EVL: variants seen among roughly 807,000 people sequenced by gnomAD.
EVL encodes the protein ena/VASP-like protein.
Under a neutral mutation model 59.6 loss-of-function variants are expected in EVL, and 21 were observed. The observed-to-expected ratio is 0.35, with a 90% CI of 0.25 to 0.51. EVL has a LOEUF of 0.51. Among genes scored for constraint, EVL ranks in the 20% least tolerant of loss-of-function variants. EVL has a pLI of 0.97. For synonymous variants in EVL, 198 were observed against 203.5 expected (o/e 0.97, Z 0.23); for missense variants, 462 against 546.6 (o/e 0.85, Z 1.54).
chr14:99,998,528 G>A (rs1443322059), intron 1 of EVL, among the ~76,000 whole-genome samples: 1 of 152,002 alleles, frequency 6.6e-6, no homozygotes. Flanking sequence ...ATACATGTCT[G>A]CATCTATAAA....
At chr14:100,117,061 G>A (rs1887393072) in intron 3 of EVL, among the ~76,000 whole-genome samples, 1 of 152,230 alleles carries the variant, frequency 6.6e-6, no homozygotes, top group South Asian at 2.1e-4. Context: ...GGAGGGGAGT[G>A]CACCAGGGCT....
intron 1 of EVL, among the ~76,000 whole-genome samples, chr14:100,073,456 G>C (rs1290389424): frequency 6.6e-6 from 1 of 151,424 alleles, no homozygotes; most frequent in Non-Finnish European, 1.5e-5. Flanking sequence ...TGAGCAGCTG[G>C]GGCTACAGGC....
At chr14:100,115,851 A>G (rs1332332940) in intron 3 of EVL, among the ~76,000 whole-genome samples, 1 of 152,178 alleles carries the variant, frequency 6.6e-6, no homozygotes, top group Non-Finnish European at 1.5e-5. Flanking sequence ...ACAATCAGGT[A>G]TTTGTCTCCT....
intron 1 of EVL, among the ~76,000 whole-genome samples, chr14:100,035,907 A>G (rs1338558750): frequency 6.6e-6 from 1 of 152,124 alleles, no homozygotes; most frequent in African/African-American, 2.4e-5. Flanking sequence ...ACCTGGCCAG[A>G]CCAAGACTCA....
intron 1 of EVL, among the ~76,000 whole-genome samples, chr14:100,044,727 C>G (rs1387094719): frequency 6.6e-6 from 1 of 152,188 alleles, no homozygotes; most frequent in Non-Finnish European, 1.5e-5. Context: ...TGGAAGTAAC[C>G]TAAGCAGGGG....
At chr14:100,081,693 C>T (rs767555893) in intron 1 of EVL, among the ~76,000 whole-genome samples, 6 of 152,172 alleles carry the variant, frequency 3.9e-5, no homozygotes, top group Non-Finnish European at 7.3e-5. Context: ...CGGTTCTCTA[C>T]GTGCCGTGCA....
At chr14:100,123,351 G>A (rs1004067057) in intron 3 of EVL, among the ~76,000 whole-genome samples, 188 bp from the exon 4 acceptor site, 1 of 152,244 alleles carries the variant, frequency 6.6e-6, no homozygotes, top group African/African-American at 2.4e-5. Flanking sequence ...CCGTGAGAGA[G>A]AGAGGGTGAT....
chr14:100,122,709 T>TA lies in EVL; in HGVS notation c.359-829dup, dbSNP rs376381752. Among the ~76,000 whole-genome samples the TA allele has an allele frequency of 3.8e-4, 58 of 152,302 alleles. 2 individuals are homozygous for TA. Among genetic ancestry groups the TA allele is most frequent in the African/African-American group, 1.4e-3 (58 of 41,568 alleles). On this transcript the variant is annotated intron_variant, in intron 3 of 13. Transcript: ENST00000392920. ...GTCACTGCGACTCTCTGCAGTTCCC[T>TA]AGTGACACCTGAGCTGGCAGAGAAG... is the stretch of plus-strand genomic sequence containing the variant.
upstream of EVL, among the ~76,000 whole-genome samples, chr14:100,061,462 A>C (rs75462683): frequency 9.6e-4 from 92 of 95,488 alleles, 2 homozygotes; most frequent in East Asian, 5.0e-3. Flanking sequence ...TCAGGCTGCA[A>C]AAAAAAAAAA....
intron 7 of EVL, among the ~76,000 whole-genome samples, chr14:100,131,926 G>A (rs375694912): frequency 1.1e-4 from 16 of 152,222 alleles, no homozygotes; most frequent in East Asian, 7.7e-4. Flanking sequence ...AGGCTGCCAG[G>A]TAGGCCCATC....
At chr14:100,000,834 T>G (rs1220501139) in intron 1 of EVL, among the ~76,000 whole-genome samples, 1 of 152,200 alleles carries the variant, frequency 6.6e-6, no homozygotes, top group Non-Finnish European at 1.5e-5. Flanking sequence ...CCCTTTTCTT[T>G]TTAAAAATCT....
At chr14:100,102,171 A>G in intron 3 of EVL, 1 of 444,484 alleles carries the variant, frequency 2.2e-6, no homozygotes. Flanking sequence ...AAGGGTGAAC[A>G]TTTGCATACA....
chr14:100,027,789 C>G (rs1484967798), intron 1 of EVL, among the ~76,000 whole-genome samples: 3 of 152,138 alleles, frequency 2.0e-5, no homozygotes, highest in Non-Finnish European at 4.4e-5. Context: ...GTTCTCGTGC[C>G]TCAGCCTCCC....
chr14:99,991,146 A>G (rs1345601012), intron 1 of EVL, among the ~76,000 whole-genome samples: 1 of 152,194 alleles, frequency 6.6e-6, no homozygotes, highest in Non-Finnish European at 1.5e-5. Context: ...AAAGACAAGG[A>G]TGAAGACATT....
intron 1 of EVL, among the ~76,000 whole-genome samples, chr14:100,067,737 G>A (rs1301744477): frequency 1.3e-5 from 2 of 152,260 alleles, no homozygotes; most frequent in Non-Finnish European, 2.9e-5. Flanking sequence ...TTGCTCTTAC[G>A]CCTGAATTAG....
rs117983993 is a variant in EVL at position 100,077,710 on chromosome 14, G to A, written c.12-6977G>A. On this transcript the variant is annotated intron_variant, in intron 1 of 13. Coordinates refer to ENST00000392920, the MANE Select transcript of EVL (RefSeq NM_016337.3). ...TACCACATCAGAATCTCCTAAATGG[G>A]GGCCTAGGGATTTGTGTTTTAATAA... 6.2e-3 allele frequency among the ~76,000 whole-genome samples: 945 copies of A among 152,258 alleles called. 4 individuals are homozygous for A. The highest frequency in any genetic ancestry group is 0.01 in the Non-Finnish European group (701 of 68,038).
At chr14:100,007,237 C>T (rs1324541823) in intron 1 of EVL, among the ~76,000 whole-genome samples, 2 of 151,900 alleles carry the variant, frequency 1.3e-5, no homozygotes, top group East Asian at 3.9e-4. Flanking sequence ...TCTAGAAAGG[C>T]AGGACAACTC....
At chr14:100,081,910 G>T (rs1281548494) in intron 1 of EVL, among the ~76,000 whole-genome samples, 1 of 152,150 alleles carries the variant, frequency 6.6e-6, no homozygotes, top group Non-Finnish European at 1.5e-5. Context: ...GACCAGCCTG[G>T]GCAACATGGT....
At chr14:100,002,599 A>G (rs946754492) in intron 1 of EVL, among the ~76,000 whole-genome samples, 3 of 152,230 alleles carry the variant, frequency 2.0e-5, no homozygotes, top group Non-Finnish European at 1.5e-5. Context: ...TAATTTTTAA[A>G]CCAAATAAGC....
Sources: gnomAD v4.1 joint callset for allele counts (sites outside exome capture counted in the v4.1 genomes callset) on GRCh38, gnomAD v4.1.1 for gene constraint, MANE v1.5 for transcripts, NCBI Gene and HGNC (gene_info 2026-07-23, HGNC 2026-07-21) for gene names.